Variants in PIK3C3 observed in about 807,000 individuals in gnomAD.
The protein encoded by PIK3C3 is phosphatidylinositol 3-kinase catalytic subunit type 3.
Under a neutral mutation model 126.1 loss-of-function variants are expected in PIK3C3, and 95 were observed. The ratio of observed to expected loss-of-function variants is 0.75; its 90% confidence interval spans 0.64 to 0.89. The LOEUF is 0.89. Among genes scored for constraint, PIK3C3 ranks in the 40% least tolerant of loss-of-function variants. The probability of loss-of-function intolerance (pLI) is 0.00; values close to 1 mark genes in which losing one functional copy is unlikely to be tolerated. For synonymous variants in PIK3C3, 374 were observed against 360.0 expected, an observed-to-expected ratio of 1.04 and a Z score of -0.44; for missense variants, 829 against 1,063.2, an observed-to-expected ratio of 0.78 and a Z score of 3.06.
At chr18:42,061,801 A>G (rs985243354) in intron 22 of PIK3C3, among the ~76,000 whole-genome samples, 4 of 152,230 alleles carry the variant, frequency 2.6e-5, no homozygotes, top group Admixed American at 1.3e-4. Context: ...TCCCTTTGCT[A>G]TAACAATAGA....
At chr18:41,994,660 T>G (rs1015870421) in intron 7 of PIK3C3, among the ~76,000 whole-genome samples, 1 of 152,098 alleles carries the variant, frequency 6.6e-6, no homozygotes, top group African/African-American at 2.4e-5. Context: ...GGAATTAATT[T>G]GGAAAAAAAT....
At chr18:42,021,177 TTATC>T (rs1276403701) in intron 13 of PIK3C3, among the ~76,000 whole-genome samples, 5 of 152,300 alleles carry the variant, frequency 3.3e-5, no homozygotes, top group African/African-American at 1.2e-4. Context: ...ATTAAATCAT[TTATC>T]TACTGCTTTG....
intron 20 of PIK3C3, among the ~76,000 whole-genome samples, chr18:42,046,309 A>C (rs1263029127): frequency 6.6e-6 from 1 of 152,140 alleles, no homozygotes; most frequent in Non-Finnish European, 1.5e-5. Context: ...ATAATGTTTT[A>C]ATGTTTTTGC....
intron 9 of PIK3C3, among the ~76,000 whole-genome samples, chr18:42,002,595 A>G (rs1310742057): frequency 6.6e-6 from 1 of 152,222 alleles, no homozygotes; most frequent in Non-Finnish European, 1.5e-5. Flanking sequence ...AAAATGGCTT[A>G]GCTTTCTATG....
chr18:42,042,320 G>C (rs1984358408), intron 19 of PIK3C3, among the ~76,000 whole-genome samples: 1 of 152,184 alleles, frequency 6.6e-6, no homozygotes, highest in African/African-American at 2.4e-5. Flanking sequence ...AATTTCTCCA[G>C]ATTTTTTCTG....
At chr18:42,045,683 C>A (rs1984528652) in intron 20 of PIK3C3, among the ~76,000 whole-genome samples, 1 of 152,108 alleles carries the variant, frequency 6.6e-6, no homozygotes, top group African/African-American at 2.4e-5. Flanking sequence ...TCAGAGCAGT[C>A]CTAGAGCCTT....
chr18:42,028,994 C>T (rs563084615), intron 14 of PIK3C3, among the ~76,000 whole-genome samples: 2 of 152,096 alleles, frequency 1.3e-5, no homozygotes, highest in Non-Finnish European at 2.9e-5. Context: ...CATAAGCCAT[C>T]GGATATTTAT....
chr18:41,959,727 G>A (rs1279359522), intron 2 of PIK3C3, among the ~76,000 whole-genome samples: 1 of 152,100 alleles, frequency 6.6e-6, no homozygotes, highest in Non-Finnish European at 1.5e-5. Flanking sequence ...CCAGGAGGCA[G>A]AGGTTGCAGT....
At chr18:42,012,658 C>A (rs1982883229) in intron 10 of PIK3C3, among the ~76,000 whole-genome samples, 1 of 152,188 alleles carries the variant, frequency 6.6e-6, no homozygotes, top group South Asian at 2.1e-4. Flanking sequence ...GCATTTCCAT[C>A]CTAAACATTA....
At chr18:41,960,613 G>A (rs1257498491) in intron 2 of PIK3C3, among the ~76,000 whole-genome samples, 1 of 152,114 alleles carries the variant, frequency 6.6e-6, no homozygotes, top group Non-Finnish European at 1.5e-5. Context: ...GGGTAGGGAT[G>A]ATTCGTGAAG....
intron 23 of PIK3C3, among the ~76,000 whole-genome samples, chr18:42,065,574 G>GT (rs1464187710): frequency 1.3e-5 from 2 of 152,216 alleles, no homozygotes; most frequent in African/African-American, 4.8e-5. Flanking sequence ...TTCACTGCCT[G>GT]TGGAGGAACA....
chr18:41,994,387 A>G (rs1406089035), intron 7 of PIK3C3, among the ~76,000 whole-genome samples: 1 of 152,206 alleles, frequency 6.6e-6, no homozygotes, highest in African/African-American at 2.4e-5. Context: ...GTATGAAGAA[A>G]TTCAGTTCAG....
intron 10 of PIK3C3, among the ~76,000 whole-genome samples, chr18:42,008,179 A>AT (rs1211526156): frequency 1.3e-5 from 2 of 152,060 alleles, no homozygotes; most frequent in Non-Finnish European, 2.9e-5. Flanking sequence ...CTGATTTAGG[A>AT]TTTTTTTAAT....
intron 3 of PIK3C3, among the ~76,000 whole-genome samples, chr18:41,966,330 C>T (rs1317882408): frequency 1.1e-4 from 17 of 151,866 alleles, no homozygotes; most frequent in Non-Finnish European, 2.9e-5. Context: ...CCACCGTGCC[C>T]AGCTAATTTT....
rs1980609319 is a variant in PIK3C3, at chr18:41,970,464, A to AG, written c.531+8_531+9insG. 6.2e-6 allele frequency: 10 copies of AG among 1,613,420 alleles called. No homozygotes were observed. Among genetic ancestry groups the AG allele is most frequent in the Non-Finnish European group, 8.5e-6 (10 of 1,179,672 alleles). On this transcript the variant is annotated intron_variant, in intron 4 of 24. Coordinates refer to ENST00000262039, the MANE Select transcript of PIK3C3 (RefSeq NM_002647.4). ...ATGAGCCGTCTTGCCAAGGTAAAAA[A>AG]AGTCATTTGGAACAGGTGCAAAGCT...
At chr18:42,043,123 G>T (rs1409864703) in intron 19 of PIK3C3, among the ~76,000 whole-genome samples, 1 of 150,126 alleles carries the variant, frequency 6.7e-6, no homozygotes, top group African/African-American at 2.5e-5. Flanking sequence ...TTTGTGAGAC[G>T]GAGTCTTGCT....
chr18:42,076,699 A>G (rs764001345), intron 24 of PIK3C3, among the ~76,000 whole-genome samples: 5 of 152,242 alleles, frequency 3.3e-5, no homozygotes, highest in Non-Finnish European at 7.3e-5. Context: ...AGAATGCCCC[A>G]TAATTTTCAG....
At chr18:42,035,700 A>G (rs1984019073) in intron 16 of PIK3C3, among the ~76,000 whole-genome samples, 2 of 152,050 alleles carry the variant, frequency 1.3e-5, no homozygotes, top group Admixed American at 1.3e-4. Context: ...GAATCTGATG[A>G]AAGTGATGGA....
intron 10 of PIK3C3, 70 bp downstream of exon 10, chr18:42,004,611 GTA>G: frequency 2.5e-6 from 3 of 1,205,280 alleles, no homozygotes; most frequent in African/African-American, 1.5e-5. Flanking sequence ...AACTATGTGT[GTA>G]TGTGTGTGTG....
Sources: allele counts gnomAD v4.1 joint callset (sites outside exome capture counted in the v4.1 genomes callset), GRCh38; gene constraint gnomAD v4.1.1; transcripts MANE v1.5; gene names NCBI Gene and HGNC (gene_info 2026-07-23, HGNC 2026-07-21).